POM121C: variants seen among roughly 807,000 people sequenced by gnomAD.
POM121C encodes the protein POM121 transmembrane nucleoporin C, also known as nuclear envelope pore membrane protein POM 121C.
In POM121C, 20 loss-of-function variants were observed where a neutral mutation model predicts 66.4. That is an observed-to-expected ratio of 0.30 (90% CI 0.21 to 0.44). POM121C has a LOEUF of 0.44. Ranked by LOEUF, POM121C falls within the 20% of genes least tolerant of loss-of-function variation. The pLI, the probability that POM121C is intolerant of heterozygous loss-of-function variation, is 1.00. For synonymous variants in POM121C, 286 were observed against 528.0 expected, an observed-to-expected ratio of 0.54 and a Z score of 6.28; for missense variants, 580 against 1,225.7, an observed-to-expected ratio of 0.47 and a Z score of 7.87.
chr7:75,455,867 T>C (rs1360273398), intron 3 of POM121C, among the ~76,000 whole-genome samples: 1 of 152,176 alleles, frequency 6.6e-6, no homozygotes, highest in Non-Finnish European at 1.5e-5. Context: ...ATCTCGCCTA[T>C]CTTTTGATCC....
At position 75,419,646 on chromosome 7, in the gene POM121C, G is replaced by A. The variant is rs587700086; in HGVS notation, c.2744-204C>T. The A allele has an allele frequency of 2.0e-4, 125 of 615,600 alleles. No individual in the cohort carries two copies. The East Asian group carries it at 3.2e-3, about 16-fold the overall frequency. The allele number at this position is 615,600 out of a possible 1,614,324, so 38.1% of individuals were successfully genotyped here. A position where few individuals can be genotyped will look rare whatever the true frequency, so the allele number is the denominator to read the frequency against. On this transcript the variant is annotated intron_variant, in intron 13 of 14. Transcript: ENST00000615331. The stretch of plus-strand genomic sequence containing the variant: ...CCAGCTCAGCCTGCTTCTCCCACCC[G>A]CTAATGGCCACGCCAGGGCAGAGAA...
At chr7:75,429,426 G>GT (rs1378395300) in intron 7 of POM121C, among the ~76,000 whole-genome samples, 4 of 152,180 alleles carry the variant, frequency 2.6e-5, no homozygotes, top group Non-Finnish European at 4.4e-5. Flanking sequence ...GAGGTCAGGA[G>GT]TTTGAGACCA....
At position 75,422,022 on chromosome 7, in the gene POM121C, G is replaced by T; in HGVS notation, c.2230C>A (p.Pro744Thr). 1 of 1,613,698 alleles carries T rather than the reference G, an allele frequency of 6.2e-7. No homozygotes were observed. Among genetic ancestry groups the T allele is most frequent in the Non-Finnish European group, 8.5e-7 (1 of 1,179,722 alleles). ...ATCGTGGACGCAGGTGCAGGTGTGG[G>T]TGCAGTAGCCGGGGCCGGGGCTGCA... ...NSAAPAPATAPTPAPASTIKI... is the reference protein window; with the variant it reads ...NSAAPAPATATTPAPASTIKI... Residue 744 changes from proline (P) to threonine (T), a missense_variant, in exon 13 of 15, where the codon CCC becomes ACC. Pro to Thr is a conservative substitution (Grantham distance 38). Coordinates refer to ENST00000615331, the MANE Select transcript of POM121C (RefSeq NM_001099415.3).
chr7:75,435,029 A>G (rs1221090229), intron 7 of POM121C, among the ~76,000 whole-genome samples: 11 of 152,252 alleles, frequency 7.2e-5, no homozygotes, highest in African/African-American at 2.4e-4. Flanking sequence ...AATACCCAGC[A>G]AAATCACATG....
chr7:75,473,862 G>C (rs1399406526), intron 3 of POM121C, among the ~76,000 whole-genome samples: 1 of 151,836 alleles, frequency 6.6e-6, no homozygotes, highest in Non-Finnish European at 1.5e-5. Context: ...CTAATTTTTT[G>C]TATTTTTAGT....
intron 12 of POM121C, among the ~76,000 whole-genome samples, chr7:75,423,765 G>A (rs1789819030): frequency 6.6e-6 from 1 of 152,050 alleles, no homozygotes; most frequent in Admixed American, 6.6e-5. Context: ...TCACACTTCA[G>A]AGGTGCTGCA....
chr7:75,462,762 C>T (rs1554477216), intron 3 of POM121C, among the ~76,000 whole-genome samples: 1 of 151,710 alleles, frequency 6.6e-6, no homozygotes, highest in African/African-American at 2.4e-5. Context: ...CAAATGCATA[C>T]CCTGCTGATG....
chr7:75,417,178 A>G lies in POM121C; in HGVS notation c.*1618T>C, dbSNP rs2868105. The G allele has an allele frequency of 4.1e-6, 4 of 978,902 alleles. No homozygotes were observed. The African/African-American group carries it at 5.2e-5, about 13-fold the overall frequency. The allele number at this position is 978,902 out of a possible 1,614,324, so 60.6% of individuals were successfully genotyped here. Reference sequence around the variant, plus strand: ...GGTATAACACTCGCCCTCAGTCACAACGGGGAGGGGGCACCGGTTACATCT... The same window carrying G: ...GGTATAACACTCGCCCTCAGTCACAGCGGGGAGGGGGCACCGGTTACATCT... On this transcript the variant is annotated 3_prime_UTR_variant, in exon 15 of 15. Transcript: ENST00000615331.
At chr7:75,477,797 T>C (rs587620315) in intron 1 of POM121C, among the ~76,000 whole-genome samples, 26 of 151,140 alleles carry the variant, frequency 1.7e-4, no homozygotes, top group Admixed American at 1.3e-3. Context: ...AGAAAAAACA[T>C]ATAGACAGAG....
intron 13 of POM121C, chr7:75,420,365 C>T (rs71234110): frequency 0.17 from 26,482 of 152,286 alleles, 2,639 homozygotes; most frequent in Middle Eastern, 0.28. Flanking sequence ...TGAGCTGCAT[C>T]GGGGCACTGA....
chr7:75,441,074 C>G lies in POM121C; in HGVS notation c.107G>C (p.Ser36Thr), dbSNP rs370131057. 28 of 1,613,948 alleles carry G rather than the reference C, an allele frequency of 1.7e-5. 1 individual carries two copies. In the African/African-American group the frequency reaches 3.7e-4, roughly 22 times the overall value. Residue 36 changes from serine to threonine, a missense_variant, in exon 5 of 15, where the codon AGT becomes ACT. Coordinates refer to ENST00000615331, the MANE Select transcript of POM121C (RefSeq NM_001099415.3). ...IISSTLSSPS[S>T]NAPDPCAKET... is the part of the protein sequence containing the mutation. ...CTTTGCACATGGGTCTGGGGCATTACTTGATGGTGACGACAGTGTTGAGCT... is the reference window on the plus strand; with the variant it reads ...CTTTGCACATGGGTCTGGGGCATTAGTTGATGGTGACGACAGTGTTGAGCT...
chr7:75,474,121 C>A lies in POM121C; in HGVS notation c.-152+583G>T, dbSNP rs587626645. On this transcript the variant is annotated intron_variant, in intron 3 of 14. Transcript: ENST00000615331. The stretch of plus-strand genomic sequence containing the variant: ...TGAAACAATTCTGTAAGGCCGGGAG[C>A]AGTGGCTCAGGACTGTAATCTCAGC... Among the ~76,000 whole-genome samples, 4 of 152,276 alleles carry A rather than the reference C, an allele frequency of 2.6e-5. No individual in the cohort carries two copies. In the East Asian group the frequency reaches 7.7e-4, roughly 29 times the overall value.
At chr7:75,432,178 C>T (rs587714217) in intron 7 of POM121C, among the ~76,000 whole-genome samples, 2 of 69,544 alleles carry the variant, frequency 2.9e-5, no homozygotes, top group Non-Finnish European at 2.6e-5. Context: ...GAGCGAGAAT[C>T]TGTCTCAAAA....
In POM121C at chr7:75,442,460, C is replaced by G. The variant is rs1385135208; in HGVS notation, c.-151-813G>C. 3.5e-6 allele frequency: 5 copies of G among 1,417,524 alleles called. No homozygotes were observed. In the African/African-American group the frequency reaches 6.1e-5, roughly 17 times the overall value. The allele number at this position is 1,417,524 out of a possible 1,614,324, so 87.8% of individuals were successfully genotyped here. ...CGAAGCGAACAGTGTTCGCCGATGT[C>G]GCGCCTTCTGAACGAAGGAGGACAA... On this transcript the variant is annotated intron_variant, in intron 3 of 14. Coordinates refer to ENST00000615331, the MANE Select transcript of POM121C (RefSeq NM_001099415.3).
chr7:75,472,720 C>T (rs1188855561), intron 3 of POM121C, among the ~76,000 whole-genome samples: 1 of 151,854 alleles, frequency 6.6e-6, no homozygotes, highest in Non-Finnish European at 1.5e-5. Context: ...GCAGGAGAAT[C>T]GCTTGAACCT....
intron 7 of POM121C, among the ~76,000 whole-genome samples, chr7:75,428,623 A>AT (rs1159073784): frequency 6.6e-6 from 1 of 152,154 alleles, no homozygotes; most frequent in Non-Finnish European, 1.5e-5. Context: ...TAAACCTTGC[A>AT]TTTTTGTTCA....
chr7:75,426,724 T>A (rs1554471749), intron 7 of POM121C, among the ~76,000 whole-genome samples: 1 of 53,498 alleles, frequency 1.9e-5, no homozygotes, highest in Non-Finnish European at 3.2e-5. Flanking sequence ...TGGTCCCAAC[T>A]ACTCAGGAGG....
chr7:75,437,826 AATCT>A (rs1790473844), intron 6 of POM121C, 140 bp from the exon 7 acceptor site: 1 of 1,355,206 alleles, frequency 7.4e-7, no homozygotes, highest in Non-Finnish European at 9.7e-7. Context: ...AATCTGGCCA[AATCT>A]ATCTGACAAA....
intron 3 of POM121C, among the ~76,000 whole-genome samples, chr7:75,449,433 C>T (rs1449534324): frequency 1.3e-5 from 2 of 151,084 alleles, no homozygotes; most frequent in Non-Finnish European, 2.9e-5. Context: ...GGCACAATCT[C>T]GGCTCACTGC....
Sources: gnomAD v4.1 joint callset for allele counts (sites outside exome capture counted in the v4.1 genomes callset) on GRCh38, gnomAD v4.1.1 for gene constraint, MANE v1.5 for transcripts, NCBI Gene and HGNC (gene_info 2026-07-23, HGNC 2026-07-21) for gene names.